TXN2: variants seen among roughly 807,000 people sequenced by gnomAD.
TXN2 encodes thioredoxin 2, also known as thioredoxin, mitochondrial.
TXN2 carries 12 observed loss-of-function variants against 14.6 expected under a neutral mutation model. The observed-to-expected ratio is 0.82, with a 90% CI of 0.53 to 1.33. TXN2 has a LOEUF of 1.33. TXN2 is among the 40% of genes most tolerant of loss of function. The pLI, the probability that TXN2 is intolerant of heterozygous loss-of-function variation, is 0.00. For missense variants in TXN2, 173 were observed against 207.7 expected, an observed-to-expected ratio of 0.83 and a Z score of 1.03; for synonymous variants, 89 against 81.0, an observed-to-expected ratio of 1.10 and a Z score of -0.53.
chr22:36,471,400 C>T lies in TXN2; in HGVS notation c.388-3483G>A, dbSNP rs560423614. On this transcript the variant is annotated intron_variant, in intron 3 of 3. Coordinates refer to ENST00000216185, the MANE Select transcript of TXN2 (RefSeq NM_012473.4). The stretch of plus-strand genomic sequence containing the variant: ...CACTGAGCTCCGTGTCCTGGTATGT[C>T]TTCTCCTGTCCCACCCCGATGGCAT... 2.5e-4 allele frequency among the ~76,000 whole-genome samples: 38 copies of T among 152,320 alleles called. 1 individual carries two copies. Among genetic ancestry groups the T allele is most frequent in the Admixed American group, 1.9e-3 (29 of 15,300 alleles).
Position 36,477,210 on chromosome 22 carries a change from C to T in TXN2, c.264-354G>A, listed in dbSNP as rs139469900. On this transcript the variant is annotated intron_variant, in intron 2 of 3. Coordinates refer to ENST00000216185, the MANE Select transcript of TXN2 (RefSeq NM_012473.4). ...CTGATTATTCTGGGGCCCTAGTTTC[C>T]TTTTTTTCTTTTTTTGAGACGGAGT... 3.2e-3 allele frequency among the ~76,000 whole-genome samples: 493 copies of T among 151,948 alleles called. 3 individuals are homozygous for T. The highest frequency in any genetic ancestry group is 0.011 in the African/African-American group (472 of 41,456).
At chr22:36,475,952 C>T (rs930797245) in intron 3 of TXN2, among the ~76,000 whole-genome samples, 1 of 152,184 alleles carries the variant, frequency 6.6e-6, no homozygotes, top group Non-Finnish European at 1.5e-5. Flanking sequence ...CCAGCTCCCC[C>T]ACAAGCAAAC....
At position 36,467,620 on chromosome 22, in the gene TXN2, C is replaced by G. The variant is rs1933187142; in HGVS notation, c.*184G>C. The G allele has an allele frequency of 1.7e-6, 1 of 594,172 alleles. No homozygotes were observed. The highest frequency in any genetic ancestry group is 3.0e-6 in the Non-Finnish European group (1 of 331,356). The allele number at this position is 594,172 out of a possible 1,614,324, so 36.8% of individuals were successfully genotyped here. On this transcript the variant is annotated 3_prime_UTR_variant, in exon 4 of 4. Coordinates refer to ENST00000216185, the MANE Select transcript of TXN2 (RefSeq NM_012473.4). ...AGCGGTCCCCGGATCAGCAGCAGCA[C>G]CACCATCCTCTGATGGCCCCTGGGC...
chr22:36,476,132 A>G (rs1933380392), intron 3 of TXN2, among the ~76,000 whole-genome samples: 1 of 152,186 alleles, frequency 6.6e-6, no homozygotes, highest in Non-Finnish European at 1.5e-5. Context: ...ATGACTGCTC[A>G]CTGAACATGT....
At chr22:36,473,836 C>T (rs1933332241) in intron 3 of TXN2, among the ~76,000 whole-genome samples, 1 of 152,234 alleles carries the variant, frequency 6.6e-6, no homozygotes, top group Non-Finnish European at 1.5e-5. Context: ...CCCACTCCCA[C>T]AACAGCCTCC....
At chr22:36,471,382 C>T (rs1038930575) in intron 3 of TXN2, among the ~76,000 whole-genome samples, 5 of 152,174 alleles carry the variant, frequency 3.3e-5, no homozygotes, top group African/African-American at 9.7e-5. Context: ...CGCCACTGAG[C>T]TCCGTGTCCT....
chr22:36,467,725 G>T lies in TXN2; in HGVS notation c.*79C>A. The T allele has an allele frequency of 8.1e-7, 1 of 1,235,284 alleles. No homozygotes were observed. 76.5% of individuals were successfully genotyped at this position (1,235,284 alleles called of 1,614,324 possible). On this transcript the variant is annotated 3_prime_UTR_variant, in exon 4 of 4. Transcript: ENST00000216185. ...CCAGGAGCCAGACAGGAGGGAGGCA[G>T]CAGGAAGGGCTGGCATGGAAGGGCT... is the stretch of plus-strand genomic sequence containing the variant.
chr22:36,477,818 G>A (rs943628537), intron 2 of TXN2, among the ~76,000 whole-genome samples: 4 of 152,136 alleles, frequency 2.6e-5, no homozygotes, highest in African/African-American at 9.7e-5. Flanking sequence ...AGCTGGGATC[G>A]ATCACAACCC....
At chr22:36,468,879 T>C (rs1304485911) in intron 3 of TXN2, among the ~76,000 whole-genome samples, 4 of 151,818 alleles carry the variant, frequency 2.6e-5, no homozygotes, top group African/African-American at 9.7e-5. Flanking sequence ...CTGTCTCTAC[T>C]GAAAATACAA....
At chr22:36,480,902 T>C in intron 1 of TXN2, 65 bp from the exon 2 acceptor site, 2 of 1,501,058 alleles carry the variant, frequency 1.3e-6, no homozygotes, top group Non-Finnish European at 1.8e-6. Flanking sequence ...AGAAAAAGAT[T>C]TGGGGAGTAC....
chr22:36,467,758 A>G lies in TXN2; in HGVS notation c.*46T>C, dbSNP rs769456823. On this transcript the variant is annotated 3_prime_UTR_variant, in exon 4 of 4. Coordinates refer to ENST00000216185, the MANE Select transcript of TXN2 (RefSeq NM_012473.4). Reference sequence around the variant, plus strand: ...GGCTGGCATGGAAGGGCTGAGTTCTATTGGGGTCCCACGCGGGCAAGGGAA... The same window carrying G: ...GGCTGGCATGGAAGGGCTGAGTTCTGTTGGGGTCCCACGCGGGCAAGGGAA... 1 of 1,515,876 alleles carries G rather than the reference A, an allele frequency of 6.6e-7. No homozygotes were observed. Among genetic ancestry groups the G allele is most frequent in the South Asian group, 1.1e-5 (1 of 89,026 alleles). 93.9% of individuals were successfully genotyped at this position (1,515,876 alleles called of 1,614,324 possible).
At chr22:36,471,916 G>A (rs1406156174) in intron 3 of TXN2, among the ~76,000 whole-genome samples, 1 of 151,336 alleles carries the variant, frequency 6.6e-6, no homozygotes, top group Non-Finnish European at 1.5e-5. Context: ...GTCGCAGTGA[G>A]CCGAGATTGC....
At chr22:36,475,952 C>A (rs930797245) in intron 3 of TXN2, among the ~76,000 whole-genome samples, 1 of 152,184 alleles carries the variant, frequency 6.6e-6, no homozygotes, top group African/African-American at 2.4e-5. Context: ...CCAGCTCCCC[C>A]ACAAGCAAAC....
chr22:36,473,483 T>C (rs1429272099), intron 3 of TXN2, among the ~76,000 whole-genome samples: 1 of 151,964 alleles, frequency 6.6e-6, no homozygotes, highest in African/African-American at 2.4e-5. Flanking sequence ...AAAGCCATCA[T>C]GGGGGGCACT....
chr22:36,473,961 G>C (rs1603488465), intron 3 of TXN2, among the ~76,000 whole-genome samples: 2 of 152,234 alleles, frequency 1.3e-5, no homozygotes, highest in African/African-American at 4.8e-5. Context: ...CCCTCAGGGG[G>C]TGTCTGCTGA....
intron 3 of TXN2, among the ~76,000 whole-genome samples, chr22:36,476,519 G>A (rs1933389801): frequency 6.6e-6 from 1 of 151,986 alleles, no homozygotes; most frequent in African/African-American, 2.4e-5. Context: ...GTGAACCCGG[G>A]AGGCAGAGGT....
In TXN2 at chr22:36,476,832, C is replaced by T; in HGVS notation, c.288G>A (p.Leu96=). 1 of 1,614,168 alleles carries T rather than the reference C, an allele frequency of 6.2e-7. No homozygotes were observed. Among genetic ancestry groups the T allele is most frequent in the Non-Finnish European group, 8.5e-7 (1 of 1,180,038 alleles). ...CCACCATCTTCTCTAACCTCGGCCC[C>T]AGGATCTTGCAGGGTCCACACCACC... ...HAQWCGPCKI[L]GPRLEKMVAK... The change falls in exon 3 of 4, where the codon CTG becomes CTA. Residue 96 remains leucine, a synonymous_variant. Transcript: ENST00000216185.
chr22:36,480,240 C>A (rs1284605571), intron 2 of TXN2, among the ~76,000 whole-genome samples: 1 of 152,242 alleles, frequency 6.6e-6, no homozygotes, highest in East Asian at 1.9e-4. Flanking sequence ...ATGTTAACAT[C>A]AGCTTATCTG....
rs574096319 is a variant in TXN2 at position 36,467,723 on chromosome 22, C to T, written c.*81G>A. On this transcript the variant is annotated 3_prime_UTR_variant, in exon 4 of 4. Transcript: ENST00000216185. The stretch of plus-strand genomic sequence containing the variant: ...CCCCAGGAGCCAGACAGGAGGGAGG[C>T]AGCAGGAAGGGCTGGCATGGAAGGG... The T allele has an allele frequency of 4.8e-5, 58 of 1,217,384 alleles. No individual in the cohort carries two copies. The East Asian group carries it at 1.3e-3, about 28-fold the overall frequency. 75.4% of individuals were successfully genotyped at this position (1,217,384 alleles called of 1,614,324 possible). A position where few individuals can be genotyped will look rare whatever the true frequency, so the allele number is the denominator to read the frequency against.
Sources: allele counts gnomAD v4.1 joint callset (sites outside exome capture counted in the v4.1 genomes callset), GRCh38; gene constraint gnomAD v4.1.1; transcripts MANE v1.5; gene names NCBI Gene and HGNC (gene_info 2026-07-23, HGNC 2026-07-21).